The following TTC39C variants were observed in gnomAD, a reference collection of about 807,000 sequenced individuals.
The protein encoded by TTC39C is tetratricopeptide repeat protein 39C.
In TTC39C, 33 loss-of-function variants were observed where a neutral mutation model predicts 76.3. That is an observed-to-expected ratio of 0.43 (90% CI 0.33 to 0.58). The LOEUF (loss-of-function observed/expected upper bound fraction) is 0.58. Among genes scored for constraint, TTC39C ranks in the 20% least tolerant of loss-of-function variants. The pLI is 0.04. For synonymous variants in TTC39C, 254 were observed against 260.6 expected, an observed-to-expected ratio of 0.97 and a Z score of 0.24; for missense variants, 595 against 701.4, an observed-to-expected ratio of 0.85 and a Z score of 1.71.
intron 6 of TTC39C, among the ~76,000 whole-genome samples, chr18:24,098,433 T>TCCCTCCCTCTCTCC (rs2084621301): frequency 1.8e-5 from 1 of 55,676 alleles, no homozygotes; most frequent in East Asian, 6.0e-4. Context: ...TCCTTCCTCC[T>TCCCTCCCTCTCTCC]TTCCTTTCTT....
chr18:24,029,087 T>TGTG (rs1430941645), intron 1 of TTC39C, among the ~76,000 whole-genome samples: 3 of 124,592 alleles, frequency 2.4e-5, no homozygotes, highest in Non-Finnish European at 5.0e-5. Flanking sequence ...AATAGATGTG[T>TGTG]GTGGTGTTGT....
chr18:23,997,388 T>C (rs1449742407), intron 1 of TTC39C, among the ~76,000 whole-genome samples: 1 of 151,530 alleles, frequency 6.6e-6, no homozygotes, highest in Non-Finnish European at 1.5e-5. Flanking sequence ...CTGTCCCTAC[T>C]AAAAATACGA....
intron 1 of TTC39C, among the ~76,000 whole-genome samples, chr18:24,002,926 C>G (rs955289787): frequency 6.6e-6 from 1 of 152,176 alleles, no homozygotes; most frequent in Admixed American, 6.5e-5. Context: ...TTCCATAAGT[C>G]TCTAGTCTAT....
upstream of TTC39C, among the ~76,000 whole-genome samples, chr18:24,010,131 C>T (rs1436141780): frequency 6.6e-6 from 1 of 152,204 alleles, no homozygotes; most frequent in Admixed American, 6.5e-5. Flanking sequence ...GGCAACTCCA[C>T]CATCAGAATA....
intron 4 of TTC39C, 66 bp from the exon 5 acceptor site, chr18:24,080,519 C>T (rs2084362996): frequency 4.0e-6 from 5 of 1,258,938 alleles, no homozygotes; most frequent in African/African-American, 1.5e-5. Context: ...GTTCAGTATC[C>T]TTTACTATAG....
chr18:24,095,217 C>T (rs1484406163), intron 6 of TTC39C, among the ~76,000 whole-genome samples: 1 of 152,226 alleles, frequency 6.6e-6, no homozygotes, highest in Admixed American at 6.5e-5. Flanking sequence ...AGCTTCCTCA[C>T]CTCTGTCAGC....
chr18:24,026,809 G>A (rs2083604985), intron 1 of TTC39C, among the ~76,000 whole-genome samples: 1 of 152,088 alleles, frequency 6.6e-6, no homozygotes, highest in African/African-American at 2.4e-5. Flanking sequence ...CATTCTTTGT[G>A]TTGTACTTCA....
At position 24,082,986 on chromosome 18, in the gene TTC39C, C is replaced by T. The variant is rs771104629; in HGVS notation, c.889C>T (p.Leu297=). ...GGATGGCAGTGATAACAAGGCAGGCCTGGATGAAGCTAAGGAAATTCTCCT... is the reference window on the plus strand; with the variant it reads ...GGATGGCAGTGATAACAAGGCAGGCTTGGATGAAGCTAAGGAAATTCTCCT... ...ALDGSDNKAG[L]DEAKEILLKK... The change falls in exon 6 of 14, where the codon CTG becomes TTG. Residue 297 remains leucine, a synonymous_variant. Coordinates refer to ENST00000317571, the MANE Select transcript of TTC39C (RefSeq NM_001135993.2). The T allele has an allele frequency of 2.4e-5, 39 of 1,614,116 alleles. No individual in the cohort carries two copies. In the South Asian group the frequency reaches 4.2e-4, roughly 17 times the overall value.
At chr18:24,105,673 A>G (rs73404299) in intron 6 of TTC39C, among the ~76,000 whole-genome samples, 6,911 of 152,284 alleles carry the variant, frequency 0.045, 466 homozygotes, top group African/African-American at 0.15. Context: ...CACCAGAGAA[A>G]GACACTTCCA....
upstream of TTC39C, among the ~76,000 whole-genome samples, chr18:24,012,142 G>A (rs1040700691): frequency 4.0e-5 from 6 of 150,540 alleles, no homozygotes; most frequent in Admixed American, 4.0e-4. Flanking sequence ...ACTAGTCCAC[G>A]TGTTCTCTTC....
intron 1 of TTC39C, among the ~76,000 whole-genome samples, chr18:24,063,793 C>G (rs1050980520): frequency 1.3e-5 from 2 of 152,110 alleles, no homozygotes; most frequent in Non-Finnish European, 2.9e-5. Context: ...GGATTACAGA[C>G]GTGAGCCACC....
At chr18:24,058,964 T>C (rs1251552332) in intron 1 of TTC39C, among the ~76,000 whole-genome samples, 1 of 152,222 alleles carries the variant, frequency 6.6e-6, no homozygotes, top group East Asian at 1.9e-4. Context: ...TTTTAGGAAG[T>C]TTTCAGTCTT....
At chr18:24,090,033 A>C (rs939011871) in intron 6 of TTC39C, among the ~76,000 whole-genome samples, 1 of 152,204 alleles carries the variant, frequency 6.6e-6, no homozygotes, top group African/African-American at 2.4e-5. Flanking sequence ...CATTTTGTTT[A>C]CAAATCTGAT....
intron 6 of TTC39C, chr18:24,114,318 C>T (rs1568442708): frequency 5.4e-6 from 2 of 372,748 alleles, no homozygotes; most frequent in Non-Finnish European, 5.0e-6. Context: ...GAGGAGAAGG[C>T]GGCGCGAGCT....
intron 6 of TTC39C, chr18:24,113,875 T>A: frequency 1.8e-6 from 1 of 565,184 alleles, no homozygotes; most frequent in Non-Finnish European, 3.2e-6. Flanking sequence ...CAGTGTTATG[T>A]GAATGAAAGT....
intron 3 of TTC39C, among the ~76,000 whole-genome samples, chr18:24,068,871 G>A (rs1424931688): frequency 6.6e-6 from 1 of 152,150 alleles, no homozygotes. Flanking sequence ...TTTAAAAAAG[G>A]TGAAACTCCG....
chr18:24,131,059 C>CAAAAAAAAAAAAAAAAAAAA (rs1599355879), intron 12 of TTC39C, among the ~76,000 whole-genome samples: 1 of 44,304 alleles, frequency 2.3e-5, no homozygotes, highest in African/African-American at 7.3e-5. Flanking sequence ...AAAAAAAAAT[C>CAAAAAAAAAAAAAAAAAAAA]AAAAAACATA....
chr18:24,097,686 T>G (rs1219353821), intron 6 of TTC39C, among the ~76,000 whole-genome samples: 1 of 152,238 alleles, frequency 6.6e-6, no homozygotes, highest in East Asian at 1.9e-4. Context: ...GTCTTGGCCC[T>G]TCGTAAACTT....
At chr18:24,070,444 G>GTACC (rs1204459957) in intron 4 of TTC39C, among the ~76,000 whole-genome samples, 2 of 152,114 alleles carry the variant, frequency 1.3e-5, no homozygotes, top group Non-Finnish European at 2.9e-5. Context: ...ATATAAAAGA[G>GTACC]TACCAGAGCT....
Sources: gnomAD v4.1 joint callset for allele counts (sites outside exome capture counted in the v4.1 genomes callset) on GRCh38, gnomAD v4.1.1 for gene constraint, MANE v1.5 for transcripts, NCBI Gene and HGNC (gene_info 2026-07-23, HGNC 2026-07-21) for gene names.